CAPN8: variants seen among roughly 807,000 people sequenced by gnomAD.
CAPN8 encodes the protein calpain 8, also known as calpain-8.
Under a neutral mutation model 80.9 loss-of-function variants are expected in CAPN8, and 87 were observed. The ratio of observed to expected loss-of-function variants is 1.07; its 90% CI spans 0.90 to 1.28. CAPN8 has a LOEUF of 1.28. Ranked by LOEUF, CAPN8 falls within the 50% of genes most tolerant of loss-of-function variation. CAPN8 has a pLI of 0.00. For missense variants in CAPN8, 757 were observed against 702.0 expected (o/e 1.08, Z -0.89); for synonymous variants, 299 against 273.8 (o/e 1.09, Z -0.91).
chr1:223,626,208 T>C (rs1657572238), intron 5 of CAPN8, among the ~76,000 whole-genome samples: 1 of 152,106 alleles, frequency 6.6e-6, no homozygotes, highest in African/African-American at 2.4e-5. Context: ...TAATTCTCCA[T>C]GCTGATGGCT....
intron 18 of CAPN8, 108 bp downstream of exon 18, chr1:223,544,664 T>C: frequency 6.8e-7 from 1 of 1,476,570 alleles, no homozygotes. Context: ...TGATATCCCA[T>C]ATAAGAAAGC....
chr1:223,661,172 A>C (rs1259545734), intron 1 of CAPN8, among the ~76,000 whole-genome samples: 1 of 152,106 alleles, frequency 6.6e-6, no homozygotes, highest in Non-Finnish European at 1.5e-5. Context: ...TCTTAAAAAA[A>C]AAAAAAAAAA....
intron 1 of CAPN8, among the ~76,000 whole-genome samples, chr1:223,659,000 A>G (rs1658567844): frequency 6.6e-6 from 1 of 152,154 alleles, no homozygotes; most frequent in Non-Finnish European, 1.5e-5. Flanking sequence ...CCACCTACCC[A>G]CACTTAGAAC....
intron 20 of CAPN8, among the ~76,000 whole-genome samples, 151 bp from the exon 21 acceptor site, chr1:223,542,010 T>C (rs1656478579): frequency 6.6e-6 from 1 of 152,144 alleles, no homozygotes; most frequent in Non-Finnish European, 1.5e-5. Context: ...AGGAAGGCTT[T>C]CACTATATCA....
At chr1:223,628,571 C>T (rs1272425743) in intron 3 of CAPN8, 91 bp downstream of exon 3, 3 of 993,598 alleles carry the variant, frequency 3.0e-6, no homozygotes, top group Non-Finnish European at 3.0e-6. Flanking sequence ...GGTCACTGTG[C>T]CCCAAACCCA....
chr1:223,664,767 G>C (rs1012795827), intron 1 of CAPN8, among the ~76,000 whole-genome samples: 1 of 152,152 alleles, frequency 6.6e-6, no homozygotes, highest in Non-Finnish European at 1.5e-5. Flanking sequence ...GCACAACCCT[G>C]TCTCTACAAA....
At chr1:223,556,734 G>C (rs1656914224) in intron 13 of CAPN8, among the ~76,000 whole-genome samples, 1 of 152,164 alleles carries the variant, frequency 6.6e-6, no homozygotes, top group Non-Finnish European at 1.5e-5. Flanking sequence ...AGTATAAGTT[G>C]ATTTAGCAGA....
At chr1:223,627,218 G>A (rs1292807556) in intron 4 of CAPN8, 61 bp from the exon 5 acceptor site, 15 of 1,519,500 alleles carry the variant, frequency 9.9e-6, no homozygotes, top group African/African-American at 4.1e-5. Flanking sequence ...CCCGGGGATT[G>A]GGGACCGGGA....
chr1:223,614,734 T>C (rs1657122875), intron 10 of CAPN8, among the ~76,000 whole-genome samples: 1 of 152,170 alleles, frequency 6.6e-6, no homozygotes, highest in Non-Finnish European at 1.5e-5. Flanking sequence ...TAATCCTCCA[T>C]GTCCTCAGCT....
chr1:223,649,304 TG>T (rs1382545815), intron 2 of CAPN8, among the ~76,000 whole-genome samples: 2 of 152,224 alleles, frequency 1.3e-5, no homozygotes, highest in Non-Finnish European at 2.9e-5. Flanking sequence ...AGGTAAGAAC[TG>T]GATGGAGCTT....
At chr1:223,544,682 G>A (rs755498187) in intron 18 of CAPN8, 90 bp downstream of exon 18, 8 of 1,520,660 alleles carry the variant, frequency 5.3e-6, no homozygotes, top group Non-Finnish European at 7.1e-6. Context: ...AGCTACAAAT[G>A]ATGATCATTA....
chr1:223,648,204 G>A (rs894772488), intron 2 of CAPN8, among the ~76,000 whole-genome samples: 1 of 152,196 alleles, frequency 6.6e-6, no homozygotes, highest in Non-Finnish European at 1.5e-5. Context: ...AAGATTGAGG[G>A]AAACGATGCG....
At chr1:223,640,028 C>T (rs187119550) in intron 2 of CAPN8, among the ~76,000 whole-genome samples, 8 of 152,282 alleles carry the variant, frequency 5.3e-5, no homozygotes, top group African/African-American at 1.9e-4. Flanking sequence ...CGGGAAGAGT[C>T]CCTCCTCCTG....
chr1:223,650,834 A>G (rs1658326635), intron 2 of CAPN8, among the ~76,000 whole-genome samples: 1 of 152,220 alleles, frequency 6.6e-6, no homozygotes, highest in African/African-American at 2.4e-5. Flanking sequence ...GCACAAAGCC[A>G]GAAATGGATG....
chr1:223,657,788 T>C (rs898947891), intron 1 of CAPN8, among the ~76,000 whole-genome samples: 2 of 151,922 alleles, frequency 1.3e-5, no homozygotes, highest in Non-Finnish European at 2.9e-5. Context: ...AATAGATGAA[T>C]AGATTCCTGT....
intron 14 of CAPN8, among the ~76,000 whole-genome samples, 164 bp downstream of exon 14, chr1:223,553,668 A>G (rs920712850): frequency 0.27 from 41,386 of 152,052 alleles, 5,812 homozygotes; most frequent in African/African-American, 0.34. Flanking sequence ...AAAGGTACTC[A>G]ATCTTAAGAC....
chr1:223,643,695 G>A (rs1440046139), intron 2 of CAPN8, among the ~76,000 whole-genome samples: 1 of 152,210 alleles, frequency 6.6e-6, no homozygotes, highest in African/African-American at 2.4e-5. Flanking sequence ...ATCTACAGAA[G>A]CACAGAGTTT....
intron 2 of CAPN8, among the ~76,000 whole-genome samples, chr1:223,644,605 G>A (rs531737303): frequency 1.3e-5 from 2 of 152,290 alleles, no homozygotes; most frequent in South Asian, 4.1e-4. Flanking sequence ...ACAGGTGGTG[G>A]TAAATCCTGT....
At chr1:223,541,962 C>T in intron 20 of CAPN8, 103 bp from the exon 21 acceptor site, 4 of 1,522,244 alleles carry the variant, frequency 2.6e-6, no homozygotes, top group Non-Finnish European at 3.6e-6. Flanking sequence ...TTTTTATCTC[C>T]ATTCTCCAGT....
Sources: gnomAD v4.1 joint callset for allele counts (sites outside exome capture counted in the v4.1 genomes callset) on GRCh38, gnomAD v4.1.1 for gene constraint, MANE v1.5 for transcripts, NCBI Gene and HGNC (gene_info 2026-07-23, HGNC 2026-07-21) for gene names.